TUNAR: variants seen among roughly 807,000 people sequenced by gnomAD.
The protein encoded by TUNAR is transmembrane neural differentiation associated intracellular calcium regulator.
At chr14:95,901,540 G>A (rs948649228) in intron 2 of TUNAR, among the ~76,000 whole-genome samples, 3 of 152,206 alleles carry the variant, frequency 2.0e-5, no homozygotes, top group Non-Finnish European at 4.4e-5. Context: ...GTGGATTTGG[G>A]CTCAGGACAG....
chr14:95,922,034 A>G (rs1889705686), intron 2 of TUNAR, among the ~76,000 whole-genome samples: 1 of 152,174 alleles, frequency 6.6e-6, no homozygotes, highest in Non-Finnish European at 1.5e-5. Flanking sequence ...GATGAAGCCC[A>G]TGGGAGCAGT....
intron 2 of TUNAR, among the ~76,000 whole-genome samples, chr14:95,888,710 C>T (rs949948716): frequency 2.0e-5 from 3 of 152,180 alleles, no homozygotes; most frequent in African/African-American, 7.2e-5. Context: ...GTGTCTGTCT[C>T]TATCCTCTTT....
chr14:95,887,942 C>T (rs1889104809), intron 2 of TUNAR, among the ~76,000 whole-genome samples: 1 of 152,240 alleles, frequency 6.6e-6, no homozygotes, highest in Non-Finnish European at 1.5e-5. Flanking sequence ...CTGCACTTGG[C>T]TGGCGGCACT....
At chr14:95,919,843 A>G (rs1889662231) in intron 2 of TUNAR, among the ~76,000 whole-genome samples, 2 of 152,350 alleles carry the variant, frequency 1.3e-5, no homozygotes, top group Non-Finnish European at 2.9e-5. Flanking sequence ...TGGATTTGAG[A>G]TGGTGAGTTT....
chr14:95,899,351 T>C (rs566343370), intron 2 of TUNAR, among the ~76,000 whole-genome samples: 1 of 152,224 alleles, frequency 6.6e-6, no homozygotes, highest in African/African-American at 2.4e-5. Flanking sequence ...CTCAGACTTC[T>C]CCCTCTCAGA....
At chr14:95,908,161 G>A (rs929041219) in intron 2 of TUNAR, among the ~76,000 whole-genome samples, 1 of 152,204 alleles carries the variant, frequency 6.6e-6, no homozygotes, top group Admixed American at 6.5e-5. Context: ...ATGGCACCTG[G>A]GCTTGGCCCC....
intron 2 of TUNAR, among the ~76,000 whole-genome samples, chr14:95,888,659 C>T (rs1287685643): frequency 6.6e-6 from 1 of 152,112 alleles, no homozygotes; most frequent in African/African-American, 2.4e-5. Context: ...GTCTAGGGCT[C>T]CATTGACCCA....
chr14:95,911,159 GCCTCA>G (rs1889506210), intron 2 of TUNAR, among the ~76,000 whole-genome samples: 1 of 152,138 alleles, frequency 6.6e-6, no homozygotes, highest in Non-Finnish European at 1.5e-5. Flanking sequence ...TCCCCCTCCA[GCCTCA>G]GCTCTTAGGA....
chr14:95,922,535 G>C (rs1205625868), intron 2 of TUNAR, among the ~76,000 whole-genome samples: 1 of 152,236 alleles, frequency 6.6e-6, no homozygotes, highest in East Asian at 1.9e-4. Flanking sequence ...GTGATGCCCG[G>C]GTAGACTTCT....
At chr14:95,887,953 C>T (rs1466631808) in intron 2 of TUNAR, among the ~76,000 whole-genome samples, 1 of 152,250 alleles carries the variant, frequency 6.6e-6, no homozygotes, top group Non-Finnish European at 1.5e-5. Flanking sequence ...TGGCGGCACT[C>T]TGTGCCTACA....
intron 2 of TUNAR, among the ~76,000 whole-genome samples, chr14:95,914,064 A>G (rs962327145): frequency 2.6e-5 from 4 of 152,254 alleles, no homozygotes; most frequent in African/African-American, 9.6e-5. Context: ...TTGGATAAAT[A>G]TGGGCCAGAG....
intron 2 of TUNAR, among the ~76,000 whole-genome samples, chr14:95,913,071 A>C (rs1268493299): frequency 6.7e-6 from 1 of 149,838 alleles, no homozygotes. Context: ...GATTACAGGC[A>C]TGAGCCACCG....
At chr14:95,917,349 GT>G (rs1469566161) in intron 2 of TUNAR, among the ~76,000 whole-genome samples, 2 of 152,090 alleles carry the variant, frequency 1.3e-5, no homozygotes, top group Non-Finnish European at 2.9e-5. Flanking sequence ...GTGTAACTTT[GT>G]TTTTGTTTCT....
intron 2 of TUNAR, among the ~76,000 whole-genome samples, chr14:95,919,020 C>T (rs143999200): frequency 6.9e-4 from 105 of 152,212 alleles, no homozygotes; most frequent in African/African-American, 2.1e-3. Context: ...CTTTCTAAGA[C>T]GACGGATGAT....
chr14:95,877,469 T>C (rs577174630), intron 2 of TUNAR, among the ~76,000 whole-genome samples: 5 of 152,236 alleles, frequency 3.3e-5, no homozygotes, highest in Non-Finnish European at 5.9e-5. Flanking sequence ...GACTTAGCAT[T>C]TGGGGGCAAC....
chr14:95,881,216 A>G (rs1268934658), intron 2 of TUNAR, among the ~76,000 whole-genome samples: 1 of 152,228 alleles, frequency 6.6e-6, no homozygotes, highest in Non-Finnish European at 1.5e-5. Context: ...ATTTTTGTTA[A>G]TGCATTAGAT....
chr14:95,924,785 T>C (rs1036680554), exon 3 of TUNAR: 1 of 152,208 alleles, frequency 6.6e-6, no homozygotes, highest in African/African-American at 2.4e-5. Flanking sequence ...AAGATGAGAT[T>C]TGGGTGGGGT....
intron 2 of TUNAR, among the ~76,000 whole-genome samples, chr14:95,881,244 G>A (rs74085724): frequency 0.018 from 2,804 of 152,258 alleles, 52 homozygotes; most frequent in East Asian, 0.08. Context: ...AACTACACGA[G>A]GTCAAACATG....
At chr14:95,898,264 T>C (rs1386359938) in intron 2 of TUNAR, among the ~76,000 whole-genome samples, 1 of 152,252 alleles carries the variant, frequency 6.6e-6, no homozygotes, top group African/African-American at 2.4e-5. Context: ...TGGTTCTTTG[T>C]AGATTATTTA....
Sources: gnomAD v4.1 joint callset for allele counts (sites outside exome capture counted in the v4.1 genomes callset) on GRCh38, gnomAD v4.1.1 for gene constraint, MANE v1.5 for transcripts, NCBI Gene and HGNC (gene_info 2026-07-23, HGNC 2026-07-21) for gene names.